The following USP32 variants were observed in gnomAD, a reference collection of about 807,000 sequenced individuals.
The protein encoded by USP32 is ubiquitin carboxyl-terminal hydrolase 32.
In USP32, 59 loss-of-function variants were observed where a neutral mutation model predicts 204.8. The ratio of observed to expected loss-of-function variants is 0.29; its 90% CI spans 0.23 to 0.36. USP32 has a LOEUF of 0.36. Ranked by LOEUF, USP32 falls within the 10% of genes least tolerant of loss-of-function variation. The pLI is 1.00. For synonymous variants in USP32, 517 were observed against 678.4 expected (o/e 0.76, Z 3.70); for missense variants, 1,160 against 1,946.4 (o/e 0.60, Z 7.60).
intron 9 of USP32, among the ~76,000 whole-genome samples, chr17:60,263,664 A>G (rs553023126): frequency 8.5e-5 from 13 of 152,348 alleles, no homozygotes; most frequent in Admixed American, 6.5e-4. Flanking sequence ...TCTCTACACA[A>G]GGCATTTTCT....
rs544865461 is a variant in USP32 at position 60,264,109 on chromosome 17, A to G, written c.990+1303T>C. Among the ~76,000 whole-genome samples, 6 of 152,302 alleles carry G rather than the reference A, an allele frequency of 3.9e-5. 1 individual carries two copies. The East Asian group carries it at 1.2e-3, about 29-fold the overall frequency. On this transcript the variant is annotated intron_variant, in intron 9 of 33. Transcript: ENST00000300896. ...TAACATTACTAATAAATGTTACCAA[A>G]CTAAATAAGTCAAGGATTTTTTTTT...
chr17:60,222,063 A>C (rs2085267187), intron 15 of USP32, among the ~76,000 whole-genome samples: 1 of 152,232 alleles, frequency 6.6e-6, no homozygotes, highest in African/African-American at 2.4e-5. Context: ...GATTGTTAGG[A>C]ATAGTAGTTT....
intron 11 of USP32, among the ~76,000 whole-genome samples, chr17:60,243,012 A>G (rs776826352): frequency 6.6e-5 from 10 of 152,158 alleles, no homozygotes; most frequent in Admixed American, 6.5e-4. Context: ...ATTTACGTAC[A>G]TTTTCTTAAA....
chr17:60,336,365 T>A (rs2088516022), intron 2 of USP32, among the ~76,000 whole-genome samples: 1 of 143,062 alleles, frequency 7.0e-6, no homozygotes. Flanking sequence ...AGTGATATAC[T>A]CTGTTGTACT....
chr17:60,208,437 G>A (rs2627858), intron 23 of USP32, among the ~76,000 whole-genome samples: 4 of 152,184 alleles, frequency 2.6e-5, no homozygotes, highest in South Asian at 4.1e-4. Flanking sequence ...GCTTTGCAGG[G>A]TTTTAAAGAG....
rs933909584 is a variant in USP32 at position 60,284,388 on chromosome 17, A to AT, written c.571+4134dup. Among the ~76,000 whole-genome samples, 760 of 139,438 alleles carry AT rather than the reference A, an allele frequency of 5.5e-3. 5 individuals carry two copies. Among genetic ancestry groups the AT allele is most frequent in the African/African-American group, 0.016 (623 of 38,082 alleles). The allele number at this position is 139,438 out of a possible 152,430, so 91.5% of individuals were successfully genotyped here. On this transcript the variant is annotated intron_variant, in intron 5 of 33. Coordinates refer to ENST00000300896, the MANE Select transcript of USP32 (RefSeq NM_032582.4). ...GCCACCATGGTTGGCTAATTTTTGT[A>AT]TTTTTTTTTTTTAGTAGAGACAGGG...
chr17:60,283,517 C>A (rs1272218223), intron 5 of USP32, among the ~76,000 whole-genome samples: 1 of 151,498 alleles, frequency 6.6e-6, no homozygotes, highest in East Asian at 1.9e-4. Context: ...ATGATGGCAC[C>A]AAGAAAGAAA....
upstream of USP32, chr17:60,392,376 C>G (rs889420227): frequency 3.8e-6 from 1 of 262,976 alleles, no homozygotes; most frequent in Non-Finnish European, 7.6e-6. Flanking sequence ...CGCATCTCCG[C>G]ACGTAACGCA....
At chr17:60,393,262 T>C (rs1221506124), upstream of USP32, among the ~76,000 whole-genome samples, 1 of 152,204 alleles carries the variant, frequency 6.6e-6, no homozygotes, top group African/African-American at 2.4e-5. Flanking sequence ...CCTTCCAGGT[T>C]CATGGTGTGG....
chr17:60,186,268 T>C (rs902843892), intron 29 of USP32, among the ~76,000 whole-genome samples: 1 of 152,268 alleles, frequency 6.6e-6, no homozygotes, highest in African/African-American at 2.4e-5. Flanking sequence ...AGGGATTACA[T>C]GTGAGCTGGC....
chr17:60,383,798 T>C (rs559292120), intron 1 of USP32, among the ~76,000 whole-genome samples: 4 of 152,170 alleles, frequency 2.6e-5, no homozygotes, highest in African/African-American at 9.7e-5. Context: ...ATTACTACAA[T>C]TGAGGTTGGA....
upstream of USP32, among the ~76,000 whole-genome samples, chr17:60,395,822 A>G (rs2089896571): frequency 6.6e-6 from 1 of 152,212 alleles, no homozygotes; most frequent in Non-Finnish European, 1.5e-5. Flanking sequence ...CTCACAGAGA[A>G]ATGACATAAG....
chr17:60,408,495 C>T (rs1008059791), intron 1 of USP32, among the ~76,000 whole-genome samples: 38 of 151,816 alleles, frequency 2.5e-4, no homozygotes, highest in African/African-American at 9.0e-4. Flanking sequence ...TTCCTGCCTC[C>T]GCCTCCCAAG....
At chr17:60,396,069 CTT>C (rs936063243), upstream of USP32, among the ~76,000 whole-genome samples, 3 of 74,920 alleles carry the variant, frequency 4.0e-5, no homozygotes, top group African/African-American at 1.5e-4. Flanking sequence ...GCACTTGAAG[CTT>C]TTTTTTTTTT....
intron 1 of USP32, among the ~76,000 whole-genome samples, chr17:60,418,326 C>G (rs1338356715): frequency 6.6e-6 from 1 of 151,610 alleles, no homozygotes; most frequent in East Asian, 1.9e-4. Context: ...CTCCTGACCT[C>G]AGGCAATCCA....
intron 1 of USP32, among the ~76,000 whole-genome samples, chr17:60,414,907 G>A (rs1303906687): frequency 6.6e-6 from 1 of 150,466 alleles, no homozygotes; most frequent in East Asian, 2.0e-4. Flanking sequence ...CTGGAGTGCA[G>A]TGGTGCAATC....
At chr17:60,314,685 C>A (rs995643101) in intron 2 of USP32, among the ~76,000 whole-genome samples, 25 of 152,078 alleles carry the variant, frequency 1.6e-4, no homozygotes, top group African/African-American at 6.0e-4. Flanking sequence ...ATTTGAAGAA[C>A]AGTACTGAAA....
intron 1 of USP32, among the ~76,000 whole-genome samples, chr17:60,403,298 G>T (rs967989561): frequency 6.6e-6 from 1 of 152,218 alleles, no homozygotes; most frequent in Non-Finnish European, 1.5e-5. Flanking sequence ...TTACAGGCAT[G>T]AGCCACTGCG....
At chr17:60,297,892 G>T (rs1041675891) in intron 3 of USP32, among the ~76,000 whole-genome samples, 1 of 152,134 alleles carries the variant, frequency 6.6e-6, no homozygotes, top group Non-Finnish European at 1.5e-5. Context: ...TGTTCCACAA[G>T]CCGTAACTAC....
Sources: allele counts gnomAD v4.1 joint callset (sites outside exome capture counted in the v4.1 genomes callset), GRCh38; gene constraint gnomAD v4.1.1; transcripts MANE v1.5; gene names NCBI Gene and HGNC (gene_info 2026-07-23, HGNC 2026-07-21).